RAB3GAP2: variants seen among roughly 807,000 people sequenced by gnomAD.
RAB3GAP2 encodes the protein RAB3 GTPase activating non-catalytic protein subunit 2, also known as rab3 GTPase-activating protein non-catalytic subunit.
In RAB3GAP2, 87 loss-of-function variants were observed where a neutral mutation model predicts 185.3. That is an observed-to-expected ratio of 0.47 (90% CI 0.39 to 0.56). The LOEUF is 0.56. RAB3GAP2 is among the 20% of genes least tolerant of loss of function. RAB3GAP2 has a pLI of 0.00. For missense variants in RAB3GAP2, 1,492 were observed against 1,638.2 expected, an observed-to-expected ratio of 0.91 and a Z score of 1.54; for synonymous variants, 554 against 576.1, an observed-to-expected ratio of 0.96 and a Z score of 0.55.
intron 1 of RAB3GAP2, among the ~76,000 whole-genome samples, chr1:220,269,112 T>C (rs1667892436): frequency 6.6e-6 from 1 of 152,192 alleles, no homozygotes; most frequent in South Asian, 2.1e-4. Context: ...TTGACTACTT[T>C]AGATCTAGAT....
intron 27 of RAB3GAP2, among the ~76,000 whole-genome samples, chr1:220,163,179 T>C (rs974772748): frequency 6.6e-6 from 1 of 152,016 alleles, no homozygotes; most frequent in African/African-American, 2.4e-5. Context: ...TCTGAAACAG[T>C]TGTCAATTAG....
chr1:220,268,072 A>T (rs1354816917), intron 1 of RAB3GAP2, among the ~76,000 whole-genome samples: 1 of 152,236 alleles, frequency 6.6e-6, no homozygotes, highest in Non-Finnish European at 1.5e-5. Context: ...AATTACAACT[A>T]TATCAGCTAA....
intron 1 of RAB3GAP2, among the ~76,000 whole-genome samples, chr1:220,239,327 C>A (rs1013204390): frequency 6.6e-6 from 1 of 152,074 alleles, no homozygotes; most frequent in East Asian, 1.9e-4. Context: ...ATCTCCCAGG[C>A]GCAAGCAGTT....
intron 1 of RAB3GAP2, among the ~76,000 whole-genome samples, chr1:220,258,634 T>C (rs1456620286): frequency 6.6e-6 from 1 of 152,168 alleles, no homozygotes; most frequent in Non-Finnish European, 1.5e-5. Flanking sequence ...AATATCATAC[T>C]GAATGGGCAA....
intron 21 of RAB3GAP2, among the ~76,000 whole-genome samples, chr1:220,178,832 T>G (rs1346497699): frequency 6.6e-6 from 1 of 151,976 alleles, no homozygotes; most frequent in African/African-American, 2.4e-5. Flanking sequence ...AATTCTCCAA[T>G]TAAAAGACAC....
chr1:220,170,883 T>C lies in RAB3GAP2; in HGVS notation c.2806+9A>G. 6 of 1,604,318 alleles carry C rather than the reference T, an allele frequency of 3.7e-6. No individual in the cohort carries two copies. Among genetic ancestry groups the C allele is most frequent in the Non-Finnish European group, 5.1e-6 (6 of 1,171,020 alleles). On this transcript the variant is annotated intron_variant, in intron 24 of 34. Transcript: ENST00000358951. ...ATGGATGCAAATGCTCAAATAAACT[T>C]CAGCTTACCTTTTCCTCCTTCTAAT... is the stretch of plus-strand genomic sequence containing the variant.
intron 3 of RAB3GAP2, 124 bp downstream of exon 3, chr1:220,213,732 T>TGG (rs1206048732): frequency 7.2e-4 from 406 of 565,850 alleles, no homozygotes; most frequent in African/African-American, 2.5e-3. Context: ...GAGGAGGAGT[T>TGG]GGGGGGGGGG....
chr1:220,235,951 G>C (rs530550193), intron 1 of RAB3GAP2, among the ~76,000 whole-genome samples: 1 of 152,260 alleles, frequency 6.6e-6, no homozygotes, highest in East Asian at 1.9e-4. Flanking sequence ...GAATTTAATT[G>C]GGCATCTTCT....
rs751576247 is a variant in RAB3GAP2 at position 220,154,067 on chromosome 1, AAG to A, written c.3556-12_3556-11del. 6.2e-7 allele frequency: 1 copy of A among 1,613,100 alleles called. No individual in the cohort carries two copies. Among genetic ancestry groups the A allele is most frequent in the Non-Finnish European group, 8.5e-7 (1 of 1,179,554 alleles). ...AAAATGCATTTTTTCCCTAAAAAGAAAGAGAGCAAGAAAACTGATGAGTGTGG... is the reference window on the plus strand; with the variant it reads ...AAAATGCATTTTTTCCCTAAAAAGAAAGAGCAAGAAAACTGATGAGTGTGG... On this transcript the variant is annotated splice_polypyrimidine_tract_variant and intron_variant, in intron 31 of 34. Coordinates refer to ENST00000358951, the MANE Select transcript of RAB3GAP2 (RefSeq NM_012414.4).
At position 220,191,249 on chromosome 1, in the gene RAB3GAP2, C is replaced by T. The variant is rs1253314347; in HGVS notation, c.1306G>A (p.Val436Ile). The change falls in exon 14 of 35, where the codon GTA becomes ATA. Residue 436 changes from valine to isoleucine, a missense_variant. Physicochemically the swap from Val to Ile is conservative, Grantham distance 29 (BLOSUM62 3). This residue lies in a region of RAB3GAP2 where 681 missense variants were observed against 689.1 expected (regional missense o/e 0.99). Transcript: ENST00000358951. ...GGCACTCTTTCATGGAGGTCCTCTA[C>T]AGTTTGAATCCATCCAATTTGTGCG... ...RDAQIGWIQT[V>I]EDLHERVPEK... 4.3e-6 allele frequency: 7 copies of T among 1,610,048 alleles called. No individual in the cohort carries two copies. Among genetic ancestry groups the T allele is most frequent in the African/African-American group, 1.3e-5 (1 of 74,230 alleles).
chr1:220,162,365 CTA>C, intron 27 of RAB3GAP2, 97 bp from the exon 28 acceptor site: 1 of 801,778 alleles, frequency 1.2e-6, no homozygotes, highest in South Asian at 1.6e-5. Context: ...ACTATATAGA[CTA>C]TTTTGATTTC....
At chr1:220,241,969 CTAAAGG>C (rs1558167332) in intron 1 of RAB3GAP2, among the ~76,000 whole-genome samples, 1 of 151,970 alleles carries the variant, frequency 6.6e-6, no homozygotes, top group Non-Finnish European at 1.5e-5. Context: ...AAATTGCTAA[CTAAAGG>C]TAATTTCTGC....
chr1:220,185,790 T>C lies in RAB3GAP2; in HGVS notation c.1780-49A>G, dbSNP rs772851856. 1.2e-5 allele frequency: 17 copies of C among 1,470,450 alleles called. No individual in the cohort carries two copies. In the African/African-American group the frequency reaches 2.4e-4, roughly 20 times the overall value. 91.1% of individuals were successfully genotyped at this position (1,470,450 alleles called of 1,614,324 possible). On this transcript the variant is annotated intron_variant, in intron 17 of 34. Coordinates refer to ENST00000358951, the MANE Select transcript of RAB3GAP2 (RefSeq NM_012414.4). ...TCTAGTAATTATAAGGCAGTGATTTTGTTTTTTAAATCTTATATTTATGCC... is the reference window on the plus strand; with the variant it reads ...TCTAGTAATTATAAGGCAGTGATTTCGTTTTTTAAATCTTATATTTATGCC...
At chr1:220,165,872 C>G (rs966735602) in intron 26 of RAB3GAP2, among the ~76,000 whole-genome samples, 4 of 152,142 alleles carry the variant, frequency 2.6e-5, no homozygotes, top group African/African-American at 9.7e-5. Flanking sequence ...AACCATGGGG[C>G]TTGACGTCAG....
intron 24 of RAB3GAP2, among the ~76,000 whole-genome samples, chr1:220,169,630 AG>A (rs1475063221): frequency 6.6e-6 from 1 of 152,188 alleles, no homozygotes; most frequent in African/African-American, 2.4e-5. Context: ...AGAAAGAAAT[AG>A]AAAAATCAGT....
chr1:220,218,093 C>CTTAT (rs1659230926), intron 2 of RAB3GAP2, among the ~76,000 whole-genome samples: 1 of 152,176 alleles, frequency 6.6e-6, no homozygotes, highest in Admixed American at 6.5e-5. Context: ...GCTTAGCCAT[C>CTTAT]TTATACATGT....
rs374334249 is a variant in RAB3GAP2, at chr1:220,171,993, G to A, written c.2473C>T (p.Arg825Cys). ...TTCTCAGACTGAATACAGGCTGTGC[G>A]CATCTGCTGCCACCATGGGGACACA... is the stretch of plus-strand genomic sequence containing the variant. ...QSVSPWWQQM[R>C]TACIQSENNG... is the part of the protein sequence containing the mutation. Residue 825 changes from arginine (R) to cysteine (C), a missense_variant, in exon 23 of 35, where the codon CGC becomes TGC. Around this residue, in one of 5 missense-constraint regions of RAB3GAP2, gnomAD observed 681 missense variants for 689.1 expected, o/e 0.99. Coordinates refer to ENST00000358951, the MANE Select transcript of RAB3GAP2 (RefSeq NM_012414.4). 19 of 1,614,152 alleles carry A rather than the reference G, an allele frequency of 1.2e-5. No homozygotes were observed. The highest frequency in any genetic ancestry group is 1.5e-5 in the Non-Finnish European group (18 of 1,180,022).
At chr1:220,257,943 A>G (rs904591432) in intron 1 of RAB3GAP2, among the ~76,000 whole-genome samples, 3 of 152,200 alleles carry the variant, frequency 2.0e-5, no homozygotes, top group Non-Finnish European at 4.4e-5. Flanking sequence ...AGAGAATACT[A>G]TAAACACCTC....
intron 1 of RAB3GAP2, chr1:220,254,448 T>C (rs1571931390): frequency 6.2e-7 from 1 of 1,613,326 alleles, no homozygotes; most frequent in South Asian, 1.1e-5. Context: ...ATCTTCACGA[T>C]TTCCTAAAGT....
Sources: allele counts gnomAD v4.1 joint callset (sites outside exome capture counted in the v4.1 genomes callset), GRCh38; gene constraint gnomAD v4.1.1; regional missense constraint gnomAD v4.1.1; transcripts MANE v1.5; gene names NCBI Gene and HGNC (gene_info 2026-07-23, HGNC 2026-07-21).